NCAM2: variants seen among roughly 807,000 people sequenced by gnomAD.
NCAM2 encodes the protein neural cell adhesion molecule 2.
In NCAM2, 30 loss-of-function variants were observed where a neutral mutation model predicts 98.1. The ratio of observed to expected loss-of-function variants is 0.31; its 90% CI spans 0.23 to 0.41. NCAM2 has a LOEUF of 0.41. Ranked by LOEUF, NCAM2 falls within the 10% of genes least tolerant of loss-of-function variation. The probability of loss-of-function intolerance (pLI) is 1.00; values close to 1 mark genes in which losing one functional copy is unlikely to be tolerated. For synonymous variants in NCAM2, 368 were observed against 342.4 expected, an observed-to-expected ratio of 1.07 and a Z score of -0.83; for missense variants, 867 against 1,005.8, an observed-to-expected ratio of 0.86 and a Z score of 1.87.
At chr21:21,329,995 C>T (rs73232005) in intron 6 of NCAM2, among the ~76,000 whole-genome samples, 85,495 of 151,128 alleles carry the variant, frequency 0.57, 24,322 homozygotes, top group Admixed American at 0.65. Flanking sequence ...AGTATTCTCC[C>T]CTCTCTCATC....
intron 1 of NCAM2, among the ~76,000 whole-genome samples, chr21:21,205,230 C>T (rs2069391785): frequency 6.6e-6 from 1 of 152,186 alleles, no homozygotes; most frequent in African/African-American, 2.4e-5. Flanking sequence ...TTATTTCCTA[C>T]ATGCACCTGC....
intron 9 of NCAM2, among the ~76,000 whole-genome samples, chr21:21,396,058 C>T (rs770816441): frequency 4.6e-5 from 7 of 151,404 alleles, no homozygotes; most frequent in Admixed American, 6.6e-5. Context: ...AAGAAATAAT[C>T]GGCCAGTAAA....
intron 1 of NCAM2, among the ~76,000 whole-genome samples, chr21:21,241,460 A>G (rs2071062950): frequency 6.6e-6 from 1 of 152,162 alleles, no homozygotes; most frequent in African/African-American, 2.4e-5. Flanking sequence ...TAAATTATGG[A>G]ATTAAATGCA....
chr21:21,041,831 A>G (rs2064911560), intron 1 of NCAM2, among the ~76,000 whole-genome samples: 1 of 152,168 alleles, frequency 6.6e-6, no homozygotes, highest in Non-Finnish European at 1.5e-5. Flanking sequence ...GATTATTCTG[A>G]TCTTGGTTGA....
chr21:21,385,276 T>G (rs1467257008), intron 9 of NCAM2, among the ~76,000 whole-genome samples: 1 of 151,858 alleles, frequency 6.6e-6, no homozygotes, highest in Non-Finnish European at 1.5e-5. Context: ...AATTAAATAT[T>G]TACCTATTAA....
intron 1 of NCAM2, among the ~76,000 whole-genome samples, chr21:21,032,278 TTTTA>T (rs1456675017): frequency 6.6e-6 from 1 of 152,240 alleles, no homozygotes; most frequent in Non-Finnish European, 1.5e-5. Flanking sequence ...CAAATATGTT[TTTTA>T]TTTATTATTT....
chr21:21,200,904 T>G (rs914447322), intron 1 of NCAM2, among the ~76,000 whole-genome samples: 2 of 152,124 alleles, frequency 1.3e-5, no homozygotes, highest in African/African-American at 4.8e-5. Flanking sequence ...GACCACAGAT[T>G]CTCGGGTGTA....
At chr21:21,485,420 G>A (rs1188926479) in intron 15 of NCAM2, among the ~76,000 whole-genome samples, 1 of 152,094 alleles carries the variant, frequency 6.6e-6, no homozygotes, top group East Asian at 1.9e-4. Context: ...AAGCATTAGA[G>A]AGAGAGAAGA....
chr21:21,002,504 T>C (rs114669424), intron 1 of NCAM2, among the ~76,000 whole-genome samples: 1,963 of 152,222 alleles, frequency 0.013, 53 homozygotes, highest in African/African-American at 0.045. Flanking sequence ...CTGAACAGTG[T>C]AATTTGTTTT....
chr21:21,297,980 A>G (rs1245101404), intron 5 of NCAM2, among the ~76,000 whole-genome samples: 1 of 151,764 alleles, frequency 6.6e-6, no homozygotes, highest in Non-Finnish European at 1.5e-5. Flanking sequence ...TTGTTTCTTT[A>G]GTCGATCTTT....
intron 10 of NCAM2, among the ~76,000 whole-genome samples, chr21:21,411,063 T>TATATACACACACACACAC (rs2076856501): frequency 1.5e-5 from 1 of 67,620 alleles, no homozygotes; most frequent in African/African-American, 5.8e-5. Context: ...TGTATATATA[T>TATATACACACACACACAC]ATATATACAC....
intron 1 of NCAM2, among the ~76,000 whole-genome samples, chr21:21,039,773 G>T (rs1051856632): frequency 1.3e-5 from 2 of 152,052 alleles, no homozygotes; most frequent in African/African-American, 4.8e-5. Flanking sequence ...GTTGCCGGAG[G>T]GTCACTTATG....
In NCAM2 at chr21:21,509,106, A is replaced by G; in HGVS notation, c.2282+51A>G. The G allele has an allele frequency of 2.5e-6, 4 of 1,591,032 alleles. No individual in the cohort carries two copies. In the East Asian group the frequency reaches 6.7e-5, roughly 27 times the overall value. ...TCATATTAAACAAGCGCCACAGTCA[A>G]GCTCGAGTGCTTTACCTGAGGGCGT... On this transcript the variant is annotated intron_variant, in intron 16 of 17. Coordinates refer to ENST00000400546, the MANE Select transcript of NCAM2 (RefSeq NM_004540.5).
intron 1 of NCAM2, among the ~76,000 whole-genome samples, chr21:21,190,734 G>A (rs1476237676): frequency 3.3e-5 from 5 of 152,218 alleles, no homozygotes; most frequent in African/African-American, 1.2e-4. Context: ...TTACTCACAG[G>A]ATGACTTTGG....
chr21:21,521,732 A>G (rs1249958783), intron 16 of NCAM2, among the ~76,000 whole-genome samples: 1 of 152,092 alleles, frequency 6.6e-6, no homozygotes, highest in Non-Finnish European at 1.5e-5. Context: ...ACTCAAACAA[A>G]CAAATAAACT....
At chr21:21,372,317 G>T (rs979926219) in intron 8 of NCAM2, among the ~76,000 whole-genome samples, 2 of 151,634 alleles carry the variant, frequency 1.3e-5, no homozygotes, top group African/African-American at 4.8e-5. Context: ...CCTTCTAGAA[G>T]GGCAAAGAAC....
intron 1 of NCAM2, among the ~76,000 whole-genome samples, chr21:21,002,498 A>G (rs1008362424): frequency 6.6e-6 from 1 of 152,188 alleles, no homozygotes; most frequent in Non-Finnish European, 1.5e-5. Context: ...ACCAAGCTGA[A>G]CAGTGTAATT....
At chr21:21,152,213 G>A (rs1181724344) in intron 1 of NCAM2, among the ~76,000 whole-genome samples, 4 of 151,846 alleles carry the variant, frequency 2.6e-5, no homozygotes, top group African/African-American at 9.7e-5. Flanking sequence ...CTTCTGTTAA[G>A]CACAGCCAGT....
chr21:21,045,360 G>A (rs2064987968), intron 1 of NCAM2, among the ~76,000 whole-genome samples: 2 of 152,072 alleles, frequency 1.3e-5, no homozygotes, highest in Admixed American at 1.3e-4. Flanking sequence ...ATAGAAACTA[G>A]GCTGGGGTTA....
Sources: gnomAD v4.1 joint callset for allele counts (sites outside exome capture counted in the v4.1 genomes callset) on GRCh38, gnomAD v4.1.1 for gene constraint, MANE v1.5 for transcripts, NCBI Gene and HGNC (gene_info 2026-07-23, HGNC 2026-07-21) for gene names.